SYNPR: variants seen among roughly 807,000 people sequenced by gnomAD.
The protein encoded by SYNPR is synaptoporin.
In SYNPR, 23 loss-of-function variants were observed where a neutral mutation model predicts 32.9. That is an observed-to-expected ratio of 0.70 (90% CI 0.50 to 0.99). The LOEUF (loss-of-function observed/expected upper bound fraction) is 0.99. SYNPR is among the 50% of genes least tolerant of loss of function. SYNPR has a pLI of 0.00. For missense variants in SYNPR, 318 were observed against 349.3 expected, an observed-to-expected ratio of 0.91 and a Z score of 0.71; for synonymous variants, 146 against 135.9, an observed-to-expected ratio of 1.07 and a Z score of -0.52.
At chr3:63,421,950 A>T (rs754678732) in intron 2 of SYNPR, among the ~76,000 whole-genome samples, 1 of 152,240 alleles carries the variant, frequency 6.6e-6, no homozygotes, top group Non-Finnish European at 1.5e-5. Context: ...TAAAGAGCTC[A>T]TATATTATAT....
chr3:63,424,122 T>C lies in SYNPR; in HGVS notation c.85-56710T>C, dbSNP rs117459387. 1.5e-3 allele frequency among the ~76,000 whole-genome samples: 224 copies of C among 152,330 alleles called. 3 individuals carry two copies. In the East Asian group the frequency reaches 0.035, roughly 24 times the overall value. On this transcript the variant is annotated intron_variant, in intron 2 of 5. Coordinates refer to ENST00000478300, the MANE Select transcript of SYNPR (RefSeq NM_001130003.2). Reference sequence around the variant, plus strand: ...AGAATAAATTATGAGCTTAAGTTGGTAATAACATATCAATGTTAGTTCATT... The same window carrying C: ...AGAATAAATTATGAGCTTAAGTTGGCAATAACATATCAATGTTAGTTCATT...
At position 63,344,550 on chromosome 3, in the gene SYNPR, AT is replaced by A. The variant is rs10627844; in HGVS notation, c.84+65829del. Among the ~76,000 whole-genome samples the A allele has an allele frequency of 2.8e-3, 360 of 130,526 alleles. 2 individuals carry two copies. The highest frequency in any genetic ancestry group is 7.1e-3 in the African/African-American group (246 of 34,666). The allele number at this position is 130,526 out of a possible 152,430, so 85.6% of individuals were successfully genotyped here. A position where few individuals can be genotyped will look rare whatever the true frequency, so the allele number is the denominator to read the frequency against. ...AGAAACAGGTGCATATTCAAAAAAG[AT>A]TTTTTTTTTTTTTTTTTTTTACAGA... On this transcript the variant is annotated intron_variant, in intron 2 of 5. Transcript: ENST00000478300.
chr3:63,514,756 T>C (rs1023126873), intron 3 of SYNPR, among the ~76,000 whole-genome samples: 2 of 152,162 alleles, frequency 1.3e-5, no homozygotes, highest in Non-Finnish European at 2.9e-5. Context: ...ATTTTAGCTT[T>C]TTCTCCAAGC....
rs1036071621 is a variant in SYNPR, at chr3:63,352,555, C to G, written c.84+73813C>G. 4.0e-5 allele frequency among the ~76,000 whole-genome samples: 6 copies of G among 151,890 alleles called. No homozygotes were observed. The East Asian group carries it at 1.2e-3, about 29-fold the overall frequency. ...AATTTGTTAAAAGGCAACTGGGAAG[C>G]AAATAGAAAAAAGGGGACATTGATG... is the stretch of plus-strand genomic sequence containing the variant. On this transcript the variant is annotated intron_variant, in intron 2 of 5. Transcript: ENST00000478300.
chr3:63,241,042 A>G (rs572965518), intron 1 of SYNPR, among the ~76,000 whole-genome samples: 1 of 151,412 alleles, frequency 6.6e-6, no homozygotes, highest in Admixed American at 6.6e-5. Context: ...GAAGACATTA[A>G]AAAAAAAATC....
intron 2 of SYNPR, among the ~76,000 whole-genome samples, chr3:63,299,931 C>T (rs1379321709): frequency 2.0e-5 from 3 of 152,044 alleles, no homozygotes; most frequent in South Asian, 4.1e-4. Context: ...TAGACTATCT[C>T]CTGTGCAGCA....
chr3:63,500,105 G>C lies in SYNPR; in HGVS notation c.209+19149G>C, dbSNP rs371876004. 1.2e-4 allele frequency among the ~76,000 whole-genome samples: 18 copies of C among 152,162 alleles called. No individual in the cohort carries two copies. In the East Asian group the frequency reaches 3.5e-3, roughly 29 times the overall value. The stretch of plus-strand genomic sequence containing the variant: ...ATAGATGGTATTAAATAAGACAAGG[G>C]TTTCCCAGTTTGGAGCATGGTTTTT... On this transcript the variant is annotated intron_variant, in intron 3 of 5. Coordinates refer to ENST00000478300, the MANE Select transcript of SYNPR (RefSeq NM_001130003.2).
chr3:63,298,601 A>G lies in SYNPR; in HGVS notation c.84+19859A>G, dbSNP rs1326517720. 2.6e-5 allele frequency among the ~76,000 whole-genome samples: 4 copies of G among 152,138 alleles called. No homozygotes were observed. In the South Asian group the frequency reaches 8.3e-4, roughly 31 times the overall value. On this transcript the variant is annotated intron_variant, in intron 2 of 5. Transcript: ENST00000478300. ...CTCTGCCTTAGGGACAAAAAGGTAC[A>G]CAGTAAGCTTTCCACTTCCATTCCT... is the stretch of plus-strand genomic sequence containing the variant.
chr3:63,343,581 C>T (rs1044190386), intron 2 of SYNPR, among the ~76,000 whole-genome samples: 5 of 152,214 alleles, frequency 3.3e-5, no homozygotes, highest in South Asian at 2.1e-4. Flanking sequence ...GAGCTTCCAA[C>T]GCAGCTACCT....
chr3:63,463,145 A>G (rs1700618173), intron 2 of SYNPR, among the ~76,000 whole-genome samples: 1 of 152,130 alleles, frequency 6.6e-6, no homozygotes, highest in Non-Finnish European at 1.5e-5. Flanking sequence ...GGATTCTGTC[A>G]CTTTCTTTTA....
At chr3:63,210,950 G>T in the SYNPR span, among the ~76,000 whole-genome samples, 2 of 151,986 alleles carry the variant, frequency 1.3e-5, no homozygotes, top group East Asian at 3.9e-4. Context: ...TCCTTTACTG[G>T]TTCTTCAAAT....
intron 2 of SYNPR, among the ~76,000 whole-genome samples, chr3:63,420,448 A>C (rs727778): frequency 0.015 from 2,355 of 152,088 alleles, 76 homozygotes; most frequent in African/African-American, 0.053. Context: ...GAAACTGCAA[A>C]TCAGTGCAAA....
At chr3:63,518,427 T>C (rs1701839884) in intron 3 of SYNPR, among the ~76,000 whole-genome samples, 1 of 152,070 alleles carries the variant, frequency 6.6e-6, no homozygotes, top group Non-Finnish European at 1.5e-5. Flanking sequence ...GTCCCAGGCC[T>C]GGAACAAGCA....
rs1700267714 is a variant in SYNPR, at chr3:63,615,515, C to A, written c.*34C>A. ...CATTTGCATTCTTCTGCAGTCGCCT[C>A]ACCATCTTCCATTTCAGTGGCAGAA... On this transcript the variant is annotated 3_prime_UTR_variant, in exon 6 of 6. Transcript: ENST00000478300. The A allele has an allele frequency of 1.3e-6, 2 of 1,585,232 alleles. No individual in the cohort carries two copies. Among genetic ancestry groups the A allele is most frequent in the Admixed American group, 1.8e-5 (1 of 54,718 alleles).
chr3:63,271,710 G>A (rs1316186241), intron 3 of SYNPR, among the ~76,000 whole-genome samples: 1 of 151,872 alleles, frequency 6.6e-6, no homozygotes, highest in Non-Finnish European at 1.5e-5. Context: ...AAAAAACTCT[G>A]CCAAAGCTCA....
In SYNPR at chr3:63,372,704, C is replaced by G. The variant is rs562980681; in HGVS notation, c.84+93962C>G. Among the ~76,000 whole-genome samples, 6 of 152,310 alleles carry G rather than the reference C, an allele frequency of 3.9e-5. No individual in the cohort carries two copies. The East Asian group carries it at 7.7e-4, about 20-fold the overall frequency. On this transcript the variant is annotated intron_variant, in intron 2 of 5. Transcript: ENST00000478300. ...AAAAGTCCTCTGCCACAACCACTGC[C>G]AAGATCCCTTCCCCTGCTGCCTCCA...
intron 2 of SYNPR, among the ~76,000 whole-genome samples, chr3:63,434,766 T>C (rs1700050860): frequency 6.6e-6 from 1 of 152,164 alleles, no homozygotes; most frequent in South Asian, 2.1e-4. Context: ...CTGATAGAGC[T>C]CTCCCTGTTA....
chr3:63,311,879 A>C (rs1361433265), intron 2 of SYNPR, among the ~76,000 whole-genome samples: 1 of 151,972 alleles, frequency 6.6e-6, no homozygotes, highest in Non-Finnish European at 1.5e-5. Context: ...CATAGAGGAG[A>C]GAACCTTGAG....
At chr3:63,252,156 G>A (rs1469889120) in intron 1 of SYNPR, among the ~76,000 whole-genome samples, 5 of 152,080 alleles carry the variant, frequency 3.3e-5, no homozygotes, top group Non-Finnish European at 5.9e-5. Flanking sequence ...TTTGAATAAT[G>A]TGTATTCTAT....
Sources: allele counts gnomAD v4.1 joint callset (sites outside exome capture counted in the v4.1 genomes callset), GRCh38; gene constraint gnomAD v4.1.1; transcripts MANE v1.5; gene names NCBI Gene and HGNC (gene_info 2026-07-23, HGNC 2026-07-21).